MDK: variants seen among roughly 807,000 people sequenced by gnomAD.
MDK encodes the protein midkine.
MDK carries 17 observed loss-of-function variants against 18.9 expected under a neutral mutation model. The ratio of observed to expected loss-of-function variants is 0.90; its 90% CI spans 0.62 to 1.35. MDK has a LOEUF of 1.35. Ranked by LOEUF, MDK falls within the 40% of genes most tolerant of loss-of-function variation. The pLI, the probability that MDK is intolerant of heterozygous loss-of-function variation, is 0.00. For synonymous variants in MDK, 86 were observed against 74.3 expected (o/e 1.16, Z -0.81); for missense variants, 180 against 186.3 (o/e 0.97, Z 0.20).
chr11:46,382,652 C>T lies in MDK; in HGVS notation c.310C>T (p.Gln104Ter), dbSNP rs756675404. The T allele has an allele frequency of 6.2e-7, 1 of 1,613,116 alleles. No homozygotes were observed. Among genetic ancestry groups the T allele is most frequent in the Non-Finnish European group, 8.5e-7 (1 of 1,179,904 alleles). Residue 104 changes from glutamine (Q) to a stop codon, truncating the protein, a stop_gained, in exon 4 of 5, where the codon CAA becomes TAA. Transcript: ENST00000395566. LOFTEE classifies it high-confidence loss of function. ...TGGGGGCACAGGCACCAAAGTCCGC[C>T]AAGGCACCCTGAAGAAGGCGCGCTA... The part of the protein sequence containing the change: ...CDGGTGTKVR[Q>*]GTLKKARYNA...
rs1945294370 is a variant in MDK, at chr11:46,383,736, CT to C, written c.*246del. 3 of 640,192 alleles carry C rather than the reference CT, an allele frequency of 4.7e-6. No individual in the cohort carries two copies. Among genetic ancestry groups the C allele is most frequent in the Non-Finnish European group, 8.7e-6 (3 of 344,772 alleles). 39.7% of individuals were successfully genotyped at this position (640,192 alleles called of 1,614,324 possible). On this transcript the variant is annotated 3_prime_UTR_variant, in exon 5 of 5. Transcript: ENST00000395566. ...AAAGCAATGTGAGTCCCAGAGCCCG[CT>C]TTTGTTCTTCCCCACAATTCCATTA... is the stretch of plus-strand genomic sequence containing the variant.
intron 2 of MDK, 77 bp from the exon 3 acceptor site, chr11:46,382,217 C>G: frequency 1.2e-6 from 2 of 1,604,406 alleles, no homozygotes; most frequent in Non-Finnish European, 1.7e-6. Context: ...GGTTCCTAGC[C>G]TGGAACCCCA....
chr11:46,382,394 C>A lies in MDK; in HGVS notation c.177C>A (p.Gly59=). The change falls in exon 3 of 5, where the codon GGC becomes GGA. Residue 59 remains glycine (G), a synonymous_variant. Transcript: ENST00000395566. Reference sequence around the variant, plus strand: ...ATTGCGGCGTGGGTTTCCGCGAGGGCACCTGCGGGGCCCAGACCCAGCGCA... The same window carrying A: ...ATTGCGGCGTGGGTTTCCGCGAGGGAACCTGCGGGGCCCAGACCCAGCGCA... ...SKDCGVGFRE[G]TCGAQTQRIR... is the part of the protein sequence containing the mutation. 1 of 1,561,082 alleles carries A rather than the reference C, an allele frequency of 6.4e-7. No individual in the cohort carries two copies.
chr11:46,382,178 G>A, intron 2 of MDK, 45 bp downstream of exon 2: 2 of 1,607,792 alleles, frequency 1.2e-6, no homozygotes, highest in Non-Finnish European at 1.7e-6. Context: ...GGCAGGCGAG[G>A]CCCCTCCACT....
chr11:46,382,976 CAACTCA>C, intron 4 of MDK: 1 of 593,228 alleles, frequency 1.7e-6, no homozygotes, highest in Non-Finnish European at 3.0e-6. Flanking sequence ...AAATAGGGAC[CAACTCA>C]AACTACTCCA....
downstream of MDK, chr11:46,383,804 A>C (rs533285334): frequency 4.4e-6 from 2 of 450,850 alleles, no homozygotes; most frequent in Non-Finnish European, 8.3e-6. Flanking sequence ...CCCCCCAATA[A>C]AAGCTCTTCT....
In MDK at chr11:46,382,280, C is replaced by G; in HGVS notation, c.77-14C>G. 6.2e-7 allele frequency: 1 copy of G among 1,606,878 alleles called. No individual in the cohort carries two copies. ...CGTGCCCCAGTCCTGAACTCTGTTCCTCGCGCGTTGTAGATAAGGTGAAGA... is the reference window on the plus strand; with the variant it reads ...CGTGCCCCAGTCCTGAACTCTGTTCGTCGCGCGTTGTAGATAAGGTGAAGA... On this transcript the variant is annotated splice_polypyrimidine_tract_variant and intron_variant, in intron 2 of 4. Transcript: ENST00000395566.
chr11:46,383,135 C>T lies in MDK; in HGVS notation c.407-334C>T, dbSNP rs1189601166. 4 of 415,164 alleles carry T rather than the reference C, an allele frequency of 9.6e-6. No homozygotes were observed. In the East Asian group the frequency reaches 1.4e-4, roughly 15 times the overall value. The allele number at this position is 415,164 out of a possible 1,614,324, so 25.7% of individuals were successfully genotyped here. A position where few individuals can be genotyped will look rare whatever the true frequency, so the allele number is the denominator to read the frequency against. ...AAGGCCCACCCTGGGCCTCTCAGCT[C>T]ACTCGTGACTCAGCCCAGCGAGGCC... is the stretch of plus-strand genomic sequence containing the variant. On this transcript the variant is annotated intron_variant, in intron 4 of 4. Transcript: ENST00000395566.
At position 46,382,628 on chromosome 11, in the gene MDK, G is replaced by A; in HGVS notation, c.286G>A (p.Gly96Arg). ...YKFENWGACDGGTGTKVRQGT... is the reference protein window; with the variant it reads ...YKFENWGACDRGTGTKVRQGT... ...GTTTGAGAACTGGGGTGCGTGTGAT[G>A]GGGGCACAGGCACCAAAGTCCGCCA... is the stretch of plus-strand genomic sequence containing the variant. The change falls in exon 4 of 5, where the codon GGG becomes AGG. Residue 96 changes from glycine (G) to arginine (R), a missense_variant. Coordinates refer to ENST00000395566, the MANE Select transcript of MDK (RefSeq NM_002391.6). 1.9e-6 allele frequency: 3 copies of A among 1,612,708 alleles called. No individual in the cohort carries two copies. The highest frequency in any genetic ancestry group is 2.5e-6 in the Non-Finnish European group (3 of 1,179,788).
chr11:46,380,966 G>A (rs73466027), upstream of MDK: 3,416 of 152,432 alleles, frequency 0.022, 125 homozygotes, highest in African/African-American at 0.072. Context: ...CGATGTGGCT[G>A]GATCTGGAAC....
chr11:46,382,787 GCTGCCCCCCCCCCCCCC>G (rs772422618), intron 4 of MDK, 39 bp downstream of exon 4: 2 of 1,498,516 alleles, frequency 1.3e-6, no homozygotes, highest in South Asian at 2.4e-5. Context: ...GTCGCGGGGG[GCTGCCCCCCCCCCCCCC>G]CGCCTGTGAG....
chr11:46,381,934 G>T, intron 1 of MDK, 123 bp from the exon 2 acceptor site: 1 of 1,050,604 alleles, frequency 9.5e-7, no homozygotes, highest in Non-Finnish European at 1.4e-6. Context: ...TCCCACCGCC[G>T]CCACCTTAGC....
In MDK at chr11:46,383,492, T is replaced by TAG. The variant is rs1316400435; in HGVS notation, c.432_*1dup. 6.2e-7 allele frequency: 1 copy of TAG among 1,611,768 alleles called. No homozygotes were observed. Among genetic ancestry groups the TAG allele is most frequent in the African/African-American group, 1.3e-5 (1 of 74,862 alleles). Residue 144 remains the stop codon, a frameshift_variant and stop_retained_variant, in exon 5 of 5, where the codon TAG becomes TAGAG. Transcript: ENST00000395566. LOFTEE classifies it high-confidence loss of function. ...AKAKKGKGKD[*] ...AGCCAAGAAAGGGAAGGGAAAGGAC[T>TAG]AGACGCCAAGCCTGGATGCCAAGGA...
At chr11:46,382,528 C>T in intron 3 of MDK, 59 bp from the exon 4 acceptor site, 1 of 1,556,926 alleles carries the variant, frequency 6.4e-7, no homozygotes, top group Non-Finnish European at 8.7e-7. Flanking sequence ...TGGGCGGACC[C>T]TTGGCGGAGG....
intron 1 of MDK, 72 bp downstream of exon 1, chr11:46,381,830 G>C (rs1050889810): frequency 2.2e-6 from 1 of 460,184 alleles, no homozygotes; most frequent in African/African-American, 2.1e-5. Flanking sequence ...GGCGGGGGTG[G>C]GGGTCTGAGC....
Position 46,382,631 on chromosome 11 carries a change from G to C in MDK, c.289G>C (p.Gly97Arg), listed in dbSNP as rs766479252. 6.2e-7 allele frequency: 1 copy of C among 1,612,784 alleles called. No individual in the cohort carries two copies. The highest frequency in any genetic ancestry group is 1.7e-5 in the Admixed American group (1 of 59,966). The change falls in exon 4 of 5, where the codon GGC (glycine) becomes CGC (arginine). Residue 97 changes from glycine (G) to arginine (R), a missense_variant. By Grantham distance (125) the Gly-to-Arg change is moderately radical. Transcript: ENST00000395566. ...KFENWGACDG[G>R]TGTKVRQGTL... ...TGAGAACTGGGGTGCGTGTGATGGG[G>C]GCACAGGCACCAAAGTCCGCCAAGG...
At chr11:46,383,323 C>T in intron 4 of MDK, 146 bp from the exon 5 acceptor site, 1 of 613,192 alleles carries the variant, frequency 1.6e-6, no homozygotes, top group Non-Finnish European at 2.9e-6. Flanking sequence ...GCTGCCCCAT[C>T]CCCTGCTTCC....
intron 4 of MDK, 72 bp from the exon 5 acceptor site, chr11:46,383,397 G>T (rs959860864): frequency 1.6e-6 from 2 of 1,234,408 alleles, no homozygotes; most frequent in Admixed American, 2.2e-5. Flanking sequence ...CCGGGTGTTT[G>T]TGGAGCCGGC....
chr11:46,381,139 A>G (rs1386337633), upstream of MDK: 1 of 152,316 alleles, frequency 6.6e-6, no homozygotes, highest in East Asian at 1.9e-4. Context: ...GACTCCCCCC[A>G]GCACAGCAGA....
Sources: allele counts gnomAD v4.1 joint callset, GRCh38; gene constraint gnomAD v4.1.1; transcripts MANE v1.5; gene names NCBI Gene and HGNC (gene_info 2026-07-23, HGNC 2026-07-21).